KCNK10: variants seen among roughly 807,000 people sequenced by gnomAD.
KCNK10 encodes potassium channel subfamily K member 10.
A neutral mutation model predicts 47.7 loss-of-function variants in KCNK10; 25 were observed. That is an observed-to-expected ratio of 0.52 (90% CI 0.38 to 0.73). KCNK10 has a LOEUF of 0.73. Among genes scored for constraint, KCNK10 ranks in the 30% least tolerant of loss-of-function variants. The pLI, the probability that KCNK10 is intolerant of heterozygous loss-of-function variation, is 0.00. For synonymous variants in KCNK10, 303 were observed against 285.6 expected, an observed-to-expected ratio of 1.06 and a Z score of -0.61; for missense variants, 563 against 714.5, an observed-to-expected ratio of 0.79 and a Z score of 2.42.
chr14:88,235,829 G>A (rs145219359), intron 3 of KCNK10, among the ~76,000 whole-genome samples: 21 of 152,150 alleles, frequency 1.4e-4, no homozygotes, highest in African/African-American at 4.8e-4. Flanking sequence ...TGTCAATCAA[G>A]AAAACTTTAA....
intron 4 of KCNK10, among the ~76,000 whole-genome samples, chr14:88,204,618 C>T (rs1185537012): frequency 1.5e-5 from 2 of 134,518 alleles, no homozygotes; most frequent in Non-Finnish European, 3.1e-5. Flanking sequence ...CAGGTAGTTG[C>T]TGACCCCTCT....
chr14:88,234,494 A>G (rs920980152), intron 3 of KCNK10, among the ~76,000 whole-genome samples: 4 of 152,196 alleles, frequency 2.6e-5, no homozygotes, highest in Non-Finnish European at 4.4e-5. Context: ...CCGCTAAACC[A>G]ATCGTTAGCC....
At chr14:88,232,834 C>A (rs28488451) in intron 3 of KCNK10, among the ~76,000 whole-genome samples, 6,504 of 152,262 alleles carry the variant, frequency 0.043, 345 homozygotes, top group African/African-American at 0.12. Context: ...TTTGGGAAAG[C>A]CCCCCTTCCT....
intron 4 of KCNK10, among the ~76,000 whole-genome samples, chr14:88,213,921 T>TTATTA (rs1885535542): frequency 3.2e-5 from 4 of 126,410 alleles, no homozygotes; most frequent in Non-Finnish European, 5.4e-5. Context: ...TTTATTTTAC[T>TTATTA]TTATTATTAT....
chr14:88,271,005 C>T (rs897148173), intron 1 of KCNK10: 21 of 597,610 alleles, frequency 3.5e-5, no homozygotes, highest in African/African-American at 5.6e-5. Flanking sequence ...CCCAGCCAAA[C>T]CCAGCAGCAC....
intron 1 of KCNK10, among the ~76,000 whole-genome samples, chr14:88,302,972 G>A (rs1187537842): frequency 6.6e-6 from 1 of 152,128 alleles, no homozygotes; most frequent in Non-Finnish European, 1.5e-5. Context: ...AATCTTAATT[G>A]GTCCAAGCCA....
chr14:88,186,235 T>A lies in KCNK10; in HGVS notation c.1012-80A>T. On this transcript the variant is annotated intron_variant, in intron 6 of 6. Transcript: ENST00000319231. The surrounding 1 kb of genome is among the most constrained non-coding windows in gnomAD (Gnocchi z 5.5). ...CCTCCCAGCACCCACAGCCCTCGGG[T>A]GTCCCCACGGGGAGGCCAGGAGGTG... 1 of 1,468,182 alleles carries A rather than the reference T, an allele frequency of 6.8e-7. No homozygotes were observed. Among genetic ancestry groups the A allele is most frequent in the East Asian group, 2.4e-5 (1 of 41,126 alleles). The allele number at this position is 1,468,182 out of a possible 1,614,324, so 90.9% of individuals were successfully genotyped here. A position where few individuals can be genotyped will look rare whatever the true frequency, so the allele number is the denominator to read the frequency against.
chr14:88,223,967 G>A (rs938059101), intron 4 of KCNK10, among the ~76,000 whole-genome samples: 4 of 151,484 alleles, frequency 2.6e-5, no homozygotes, highest in African/African-American at 9.7e-5. Context: ...GATCACCTGA[G>A]GCCAGGAGTT....
intron 4 of KCNK10, among the ~76,000 whole-genome samples, chr14:88,221,812 G>A (rs904271810): frequency 3.3e-5 from 5 of 152,204 alleles, no homozygotes; most frequent in African/African-American, 4.8e-5. Context: ...ATGTCCTTCA[G>A]TAGGTGAATG....
intron 1 of KCNK10, among the ~76,000 whole-genome samples, chr14:88,297,808 T>C (rs1487334516): frequency 6.6e-6 from 1 of 152,132 alleles, no homozygotes; most frequent in Non-Finnish European, 1.5e-5. Context: ...TTATATAAAA[T>C]AGATAAATTA....
In KCNK10 at chr14:88,183,276, G is replaced by A. The variant is rs887242581; in HGVS notation, c.*2259C>T. The A allele has an allele frequency of 3.3e-5, 5 of 152,308 alleles. No homozygotes were observed. The highest frequency in any genetic ancestry group is 9.6e-5 in the African/African-American group (4 of 41,464). The allele number at this position is 152,308 out of a possible 1,614,324, so 9.4% of individuals were successfully genotyped here. Reference sequence around the variant, plus strand: ...GTTTCAATGAGCTGACGTTCATAAAGTGCCTAATCCTGTGCCTGGCCCACA... The same window carrying A: ...GTTTCAATGAGCTGACGTTCATAAAATGCCTAATCCTGTGCCTGGCCCACA... On this transcript the variant is annotated 3_prime_UTR_variant, in exon 7 of 7. Coordinates refer to ENST00000319231, the MANE Select transcript of KCNK10 (RefSeq NM_138317.3).
chr14:88,265,080 G>A (rs1029706544), intron 1 of KCNK10, among the ~76,000 whole-genome samples: 6 of 152,172 alleles, frequency 3.9e-5, no homozygotes, highest in African/African-American at 1.4e-4. Flanking sequence ...GCTTCCATGT[G>A]TATCCTGCTT....
chr14:88,233,843 G>A (rs931099997), intron 3 of KCNK10, among the ~76,000 whole-genome samples: 1 of 152,160 alleles, frequency 6.6e-6, no homozygotes, highest in East Asian at 1.9e-4. Context: ...CAATGCAGCA[G>A]ACAGATCATT....
At chr14:88,240,964 G>GT (rs1161410493) in intron 2 of KCNK10, 144 bp from the exon 3 acceptor site, 1 of 551,870 alleles carries the variant, frequency 1.8e-6, no homozygotes, top group Non-Finnish European at 3.2e-6. Context: ...GTGGATGATG[G>GT]TAGCATCCCA....
Position 88,319,401 on chromosome 14 carries a change from A to G in KCNK10, c.52+3346T>C, listed in dbSNP as rs1888497205. ...ATAGACATATCCTACAGTCCAAGTA[A>G]TGTGAACTGTCTCTCCACTTTCCCC... On this transcript the variant is annotated intron_variant, in intron 1 of 6. Coordinates refer to ENST00000319231, the MANE Select transcript of KCNK10 (RefSeq NM_138317.3). Among the ~76,000 whole-genome samples, 3 of 152,172 alleles carry G rather than the reference A, an allele frequency of 2.0e-5. No individual in the cohort carries two copies. The South Asian group carries it at 6.2e-4, about 32-fold the overall frequency.
At chr14:88,236,234 T>C (rs114562902) in intron 3 of KCNK10, among the ~76,000 whole-genome samples, 5,393 of 152,068 alleles carry the variant, frequency 0.035, 315 homozygotes, top group African/African-American at 0.12. Flanking sequence ...AAAAGATCAC[T>C]TGGGCCCAGG....
chr14:88,233,733 C>T (rs1206387723), intron 3 of KCNK10, among the ~76,000 whole-genome samples: 5 of 152,198 alleles, frequency 3.3e-5, no homozygotes, highest in African/African-American at 1.2e-4. Context: ...TTATGTGGAT[C>T]AATAAACATA....
Position 88,323,266 on chromosome 14 carries a change from G to A in KCNK10, c.-468C>T, listed in dbSNP as rs1391543444. The A allele has an allele frequency of 2.0e-6, 2 of 986,086 alleles. No individual in the cohort carries two copies. The highest frequency in any genetic ancestry group is 1.8e-5 in the African/African-American group (1 of 57,124). 61.1% of individuals were successfully genotyped at this position (986,086 alleles called of 1,614,324 possible). On this transcript the variant is annotated 5_prime_UTR_variant, in exon 1 of 7. Coordinates refer to ENST00000319231, the MANE Select transcript of KCNK10 (RefSeq NM_138317.3). ...CCCGCACACACACTCCCGGGCGCGC[G>A]CTTGGGCGGGCACGTCAGCCTCGCT...
chr14:88,304,141 C>T (rs1475621683), intron 1 of KCNK10, among the ~76,000 whole-genome samples: 2 of 151,868 alleles, frequency 1.3e-5, no homozygotes, highest in Non-Finnish European at 1.5e-5. Context: ...CATAGGGAGG[C>T]CGTCTCCACA....
Sources: gnomAD v4.1 joint callset for allele counts (sites outside exome capture counted in the v4.1 genomes callset) on GRCh38, gnomAD v4.1.1 for gene constraint, Gnocchi (gnomAD v3.1) non-coding constraint, MANE v1.5 for transcripts, NCBI Gene and HGNC (gene_info 2026-07-23, HGNC 2026-07-21) for gene names.